Variants in NARS2 observed in about 807,000 individuals in gnomAD.
The protein encoded by NARS2 is asparaginyl-tRNA synthetase.
NARS2 carries 60 observed loss-of-function variants against 62.9 expected under a neutral mutation model. The ratio of observed to expected loss-of-function variants is 0.95; its 90% CI spans 0.77 to 1.18. The LOEUF (loss-of-function observed/expected upper bound fraction) is 1.18. Among genes scored for constraint, NARS2 ranks in the 50% most tolerant of loss-of-function variants. NARS2 has a pLI of 0.00. For synonymous variants in NARS2, 196 were observed against 200.0 expected (o/e 0.98, Z 0.17); for missense variants, 619 against 576.4 (o/e 1.07, Z -0.76).
intron 6 of NARS2, among the ~76,000 whole-genome samples, chr11:78,513,548 C>G (rs754672094): frequency 6.6e-6 from 1 of 151,990 alleles, no homozygotes; most frequent in African/African-American, 2.4e-5. Context: ...GAAGCCGAGG[C>G]GGGCGGATCA....
intron 7 of NARS2, among the ~76,000 whole-genome samples, chr11:78,487,989 G>A (rs1591193288): frequency 6.6e-6 from 1 of 152,144 alleles, no homozygotes; most frequent in Non-Finnish European, 1.5e-5. Context: ...TCTGGAACTT[G>A]AGTAATGAAA....
intron 5 of NARS2, among the ~76,000 whole-genome samples, chr11:78,536,209 A>G (rs918204772): frequency 6.6e-6 from 1 of 152,202 alleles, no homozygotes; most frequent in Admixed American, 6.5e-5. Context: ...CTGCACTTCC[A>G]GTCATATAAT....
At chr11:78,541,940 A>G (rs942622090) in intron 5 of NARS2, among the ~76,000 whole-genome samples, 1 of 152,200 alleles carries the variant, frequency 6.6e-6, no homozygotes, top group Admixed American at 6.5e-5. Flanking sequence ...CGGTTATGTT[A>G]GTTTTGGGAT....
At chr11:78,573,777 T>A (rs4275650) in intron 1 of NARS2, among the ~76,000 whole-genome samples, 108,357 of 152,072 alleles carry the variant, frequency 0.71, 39,185 homozygotes, top group Non-Finnish European at 0.79. Flanking sequence ...GAAAATAAGG[T>A]GTAGAACGCA....
intron 13 of NARS2, among the ~76,000 whole-genome samples, chr11:78,438,835 A>C (rs1857490067): frequency 6.6e-6 from 1 of 152,240 alleles, no homozygotes. Context: ...CAGACATCAC[A>C]GATATGAAGA....
chr11:78,533,206 T>C (rs913528066), intron 5 of NARS2: 2 of 152,220 alleles, frequency 1.3e-5, no homozygotes, highest in African/African-American at 4.8e-5. Context: ...TTGGTCAGAC[T>C]ACTCTCAAGG....
intron 10 of NARS2, among the ~76,000 whole-genome samples, chr11:78,468,792 CTT>C (rs538005557): frequency 1.8e-4 from 24 of 130,638 alleles, no homozygotes; most frequent in African/African-American, 3.7e-4. Flanking sequence ...TAAAAATTCA[CTT>C]TTTTTTTTTT....
chr11:78,464,310 T>C (rs1330527219), intron 11 of NARS2, among the ~76,000 whole-genome samples: 1 of 152,152 alleles, frequency 6.6e-6, no homozygotes. Context: ...GCAAGATTTA[T>C]TGCAAAGAGC....
At chr11:78,474,076 T>C (rs1858985655) in intron 9 of NARS2, among the ~76,000 whole-genome samples, 1 of 152,238 alleles carries the variant, frequency 6.6e-6, no homozygotes, top group African/African-American at 2.4e-5. Flanking sequence ...TCCTACTTTC[T>C]AGTGAATTCA....
At chr11:78,493,779 A>C (rs1004734733) in intron 6 of NARS2, among the ~76,000 whole-genome samples, 1 of 152,236 alleles carries the variant, frequency 6.6e-6, no homozygotes, top group Non-Finnish European at 1.5e-5. Context: ...ATATAGAAAC[A>C]TAACCACTTC....
intron 7 of NARS2, among the ~76,000 whole-genome samples, chr11:78,482,049 G>A (rs1859376620): frequency 6.6e-6 from 1 of 152,064 alleles, no homozygotes; most frequent in Admixed American, 6.6e-5. Context: ...TCAACACTAA[G>A]ACTCATGAAA....
At chr11:78,445,097 ATGT>A (rs1857712413) in intron 11 of NARS2, among the ~76,000 whole-genome samples, 1 of 152,208 alleles carries the variant, frequency 6.6e-6, no homozygotes, top group African/African-American at 2.4e-5. Context: ...ACATAATGAG[ATGT>A]TGTGTTGCTA....
intron 6 of NARS2, among the ~76,000 whole-genome samples, chr11:78,526,664 C>A (rs1454256134): frequency 6.6e-6 from 1 of 152,062 alleles, no homozygotes; most frequent in African/African-American, 2.4e-5. Flanking sequence ...TTTAATCTTC[C>A]GTCAAGTTTC....
At chr11:78,519,996 T>C (rs1448579226) in intron 6 of NARS2, among the ~76,000 whole-genome samples, 3 of 152,088 alleles carry the variant, frequency 2.0e-5, no homozygotes, top group Admixed American at 2.0e-4. Context: ...TCCAGCTAGT[T>C]TTTGAGTTTC....
rs375732428 is a variant in NARS2 at position 78,537,427 on chromosome 11, CTAAGA to C, written c.595-8496_595-8492del. Among the ~76,000 whole-genome samples, 755 of 152,172 alleles carry C rather than the reference CTAAGA, an allele frequency of 5.0e-3. 4 individuals carry two copies. The highest frequency in any genetic ancestry group is 0.018 in the African/African-American group (732 of 41,516). On this transcript the variant is annotated intron_variant, in intron 5 of 13. Transcript: ENST00000281038. ...GATCTTTACTCTAGCTTCTTTATTG[CTAAGA>C]TGAGACTCAGAAACAGGATTTTAAC...
At position 78,574,361 on chromosome 11, in the gene NARS2, C is replaced by A. The variant is rs199706625; in HGVS notation, c.128G>T (p.Arg43Leu). 7.4e-5 allele frequency: 119 copies of A among 1,614,194 alleles called. 1 individual carries two copies. Among genetic ancestry groups the A allele is most frequent in the Middle Eastern group, 6.6e-4 (4 of 6,062 alleles). The change falls in exon 1 of 14, where the codon CGC (arginine) becomes CTC (leucine). Residue 43 changes from arginine to leucine, a missense_variant. Coordinates refer to ENST00000281038, the MANE Select transcript of NARS2 (RefSeq NM_024678.6). ...CCATTCACCAACCTGGATCTTAATGCGCTCCCCACTCGCGTTCTGAGCCCC... is the reference window on the plus strand; with the variant it reads ...CCATTCACCAACCTGGATCTTAATGAGCTCCCCACTCGCGTTCTGAGCCCC... ...ALGAQNASGE[R>L]IKIQGWIRSV... is the part of the protein sequence containing the mutation.
At chr11:78,503,834 A>AAGAAGG (rs1026914506) in intron 6 of NARS2, among the ~76,000 whole-genome samples, 2 of 152,172 alleles carry the variant, frequency 1.3e-5, no homozygotes, top group Admixed American at 1.3e-4. Flanking sequence ...TTGGAGGAGT[A>AAGAAGG]AGAAGGAGGA....
At chr11:78,475,192 C>T (rs115938063) in intron 9 of NARS2, among the ~76,000 whole-genome samples, 2,280 of 152,218 alleles carry the variant, frequency 0.015, 59 homozygotes, top group African/African-American at 0.052. Flanking sequence ...CTGTGCCTAG[C>T]TTCTTTCACT....
At chr11:78,506,214 T>G (rs1860492245) in intron 6 of NARS2, among the ~76,000 whole-genome samples, 1 of 152,232 alleles carries the variant, frequency 6.6e-6, no homozygotes. Context: ...GTCAAAGACG[T>G]GGACCAACCG....
Sources: allele counts gnomAD v4.1 joint callset (sites outside exome capture counted in the v4.1 genomes callset), GRCh38; gene constraint gnomAD v4.1.1; transcripts MANE v1.5; gene names NCBI Gene and HGNC (gene_info 2026-07-23, HGNC 2026-07-21).